The following DNAJC7 variants were observed in gnomAD, a reference collection of about 807,000 sequenced individuals.
DNAJC7 encodes the protein DnaJ heat shock protein family (Hsp40) member C7, also known as dnaJ homolog subfamily C member 7.
A neutral mutation model predicts 67.4 loss-of-function variants in DNAJC7; 18 were observed. The ratio of observed to expected loss-of-function variants is 0.27; its 90% CI spans 0.18 to 0.40. The LOEUF is 0.40. Ranked by LOEUF, DNAJC7 falls within the 10% of genes least tolerant of loss-of-function variation. The probability of loss-of-function intolerance (pLI) is 1.00; values close to 1 mark genes in which losing one functional copy is unlikely to be tolerated. For missense variants in DNAJC7, 419 were observed against 613.8 expected, an observed-to-expected ratio of 0.68 and a Z score of 3.35; for synonymous variants, 220 against 207.8, an observed-to-expected ratio of 1.06 and a Z score of -0.50.
Position 41,994,885 on chromosome 17 carries a change from C to T in DNAJC7, c.465G>A (p.Lys155=). The T allele has an allele frequency of 6.2e-7, 1 of 1,613,946 alleles. No individual in the cohort carries two copies. The highest frequency in any genetic ancestry group is 1.6e-4 in the Middle Eastern group (1 of 6,062). ...YEKIAETDFE[K]RDFRKVVFCM... is the part of the protein sequence containing the mutation. Reference sequence around the variant, plus strand: ...TGTACTGTACCTTCCGAAAATCTCGCTTCTCAAAATCTGTTTCTGCTATTT... The same window carrying T: ...TGTACTGTACCTTCCGAAAATCTCGTTTCTCAAAATCTGTTTCTGCTATTT... The change falls in exon 5 of 14, where the codon AAG becomes AAA. Residue 155 remains lysine (K), a synonymous_variant. Coordinates refer to ENST00000457167, the MANE Select transcript of DNAJC7 (RefSeq NM_003315.4).
intron 9 of DNAJC7, 86 bp from the exon 10 acceptor site, chr17:41,983,722 A>T (rs2051306304): frequency 1.7e-6 from 2 of 1,184,690 alleles, no homozygotes; most frequent in Admixed American, 2.3e-5. Context: ...GGCATGGCTC[A>T]AGCAAGAGAC....
chr17:41,979,511 A>C (rs189042736), intron 12 of DNAJC7, among the ~76,000 whole-genome samples: 19 of 151,180 alleles, frequency 1.3e-4, no homozygotes, highest in Admixed American at 4.0e-4. Flanking sequence ...GTCTCTACTA[A>C]AAATATAAAA....
intron 1 of DNAJC7, among the ~76,000 whole-genome samples, chr17:42,006,609 C>T (rs1423970568): frequency 2.7e-5 from 4 of 147,110 alleles, no homozygotes; most frequent in Non-Finnish European, 6.0e-5. Context: ...CCAGCCTCAT[C>T]AATATGGTGA....
intron 5 of DNAJC7, among the ~76,000 whole-genome samples, chr17:41,991,832 A>G (rs545983371): frequency 1.3e-5 from 2 of 152,238 alleles, no homozygotes; most frequent in African/African-American, 4.8e-5. Context: ...GGCACACGTC[A>G]CCACACTCAG....
chr17:41,977,535 TCTC>T (rs1555645183), intron 12 of DNAJC7: 3 of 439,704 alleles, frequency 6.8e-6, no homozygotes, highest in African/African-American at 6.0e-5. Flanking sequence ...CATGTTCCCT[TCTC>T]CTTCCAACTG....
intron 2 of DNAJC7, among the ~76,000 whole-genome samples, chr17:41,999,337 G>A (rs1555649089): frequency 6.6e-6 from 1 of 152,050 alleles, no homozygotes. Flanking sequence ...CAAATTAGGG[G>A]AGAAGAACTC....
chr17:41,988,015 C>A, intron 8 of DNAJC7, 105 bp from the exon 9 acceptor site: 1 of 883,844 alleles, frequency 1.1e-6, no homozygotes, highest in Non-Finnish European at 1.7e-6. Flanking sequence ...TCATGCTGGC[C>A]CCTTAAATGT....
chr17:42,017,034 C>T, intron 1 of DNAJC7: 2 of 1,332,142 alleles, frequency 1.5e-6, no homozygotes, highest in Non-Finnish European at 1.9e-6. Flanking sequence ...GCGCCGCTTC[C>T]CCCACCTCGC....
intron 8 of DNAJC7, among the ~76,000 whole-genome samples, chr17:41,988,461 A>C (rs1012375862): frequency 1.3e-5 from 2 of 152,266 alleles, no homozygotes; most frequent in East Asian, 1.9e-4. Flanking sequence ...GTAGGTGCTT[A>C]AGATTATCCC....
rs2051786048 is a variant in DNAJC7, at chr17:42,000,677, A to C, written c.78-107T>G. The C allele has an allele frequency of 5.4e-6, 4 of 746,856 alleles. No homozygotes were observed. The African/African-American group carries it at 5.4e-5, about 10-fold the overall frequency. The allele number at this position is 746,856 out of a possible 1,614,324, so 46.3% of individuals were successfully genotyped here. The stretch of plus-strand genomic sequence containing the variant: ...AGAGCCCGCAGCACACTGAGCTGAA[A>C]GTTAGTGTGATACTTGAAGGATTTA... On this transcript the variant is annotated intron_variant, in intron 1 of 13. Coordinates refer to ENST00000457167, the MANE Select transcript of DNAJC7 (RefSeq NM_003315.4).
intron 1 of DNAJC7, among the ~76,000 whole-genome samples, chr17:42,006,815 A>AAAAAAAAAAAAAC (rs1567969049): frequency 1.5e-5 from 2 of 131,278 alleles, no homozygotes; most frequent in African/African-American, 2.9e-5. Flanking sequence ...AAAAAAAAAA[A>AAAAAAAAAAAAAC]AAAGTCCAGG....
intron 1 of DNAJC7, chr17:42,011,819 C>A: frequency 6.6e-6 from 1 of 152,222 alleles, no homozygotes. Flanking sequence ...GGAGGCATGC[C>A]CACAAGCTCT....
At chr17:41,997,611 CAAAT>C (rs1197309091) in intron 2 of DNAJC7, among the ~76,000 whole-genome samples, 11 of 151,864 alleles carry the variant, frequency 7.2e-5, no homozygotes, top group South Asian at 2.1e-4. Flanking sequence ...AACAAACAAA[CAAAT>C]AAACAAAAAC....
At chr17:42,017,219 G>A in intron 1 of DNAJC7, 121 bp downstream of exon 1, 1 of 1,596,856 alleles carries the variant, frequency 6.3e-7, no homozygotes, top group African/African-American at 1.3e-5. Flanking sequence ...CTCAGATGGG[G>A]GGGTGTTTGC....
intron 1 of DNAJC7, chr17:42,015,640 C>G (rs1555651753): frequency 6.6e-6 from 1 of 151,248 alleles, no homozygotes; most frequent in Non-Finnish European, 1.5e-5. Flanking sequence ...GTCAGGAGAT[C>G]GAGACCATCG....
chr17:42,003,026 C>T (rs781878757), intron 1 of DNAJC7, among the ~76,000 whole-genome samples: 5 of 152,154 alleles, frequency 3.3e-5, no homozygotes, highest in Non-Finnish European at 7.4e-5. Flanking sequence ...TGAGTAGATT[C>T]CATTCTAGAG....
intron 2 of DNAJC7, 29 bp from the exon 3 acceptor site, chr17:41,997,268 A>G (rs1319843622): frequency 1.2e-6 from 2 of 1,607,278 alleles, no homozygotes; most frequent in South Asian, 1.1e-5. Context: ...AACGTAAAAC[A>G]AAGTTTAGAA....
At chr17:41,980,756 G>A (rs1444072400) in intron 12 of DNAJC7, among the ~76,000 whole-genome samples, 2 of 152,190 alleles carry the variant, frequency 1.3e-5, no homozygotes, top group Non-Finnish European at 2.9e-5. Flanking sequence ...TTGACAATAG[G>A]TGTGCTTTAT....
intron 5 of DNAJC7, among the ~76,000 whole-genome samples, chr17:41,991,823 G>A (rs2051516374): frequency 6.6e-6 from 1 of 152,054 alleles, no homozygotes; most frequent in South Asian, 2.1e-4. Context: ...GGGACTGCAG[G>A]CACACGTCAC....
Sources: gnomAD v4.1 joint callset for allele counts (sites outside exome capture counted in the v4.1 genomes callset) on GRCh38, gnomAD v4.1.1 for gene constraint, MANE v1.5 for transcripts, NCBI Gene and HGNC (gene_info 2026-07-23, HGNC 2026-07-21) for gene names.